The following SYNJ1 variants were observed in gnomAD, a reference collection of about 807,000 sequenced individuals.
The protein encoded by SYNJ1 is synaptojanin 1.
A neutral mutation model predicts 168.2 loss-of-function variants in SYNJ1; 78 were observed. The observed-to-expected ratio is 0.46, with a 90% CI of 0.39 to 0.56. SYNJ1 has a LOEUF of 0.56. Ranked by LOEUF, SYNJ1 falls within the 20% of genes least tolerant of loss-of-function variation. The probability of loss-of-function intolerance (pLI) is 0.00; values close to 1 mark genes in which losing one functional copy is unlikely to be tolerated. For missense variants in SYNJ1, 1,303 were observed against 1,597.6 expected, an observed-to-expected ratio of 0.82 and a Z score of 3.14; for synonymous variants, 539 against 548.6, an observed-to-expected ratio of 0.98 and a Z score of 0.24.
At chr21:32,701,720 T>TC (rs2042409755) in intron 3 of SYNJ1, among the ~76,000 whole-genome samples, 1 of 152,194 alleles carries the variant, frequency 6.6e-6, no homozygotes, top group South Asian at 2.1e-4. Flanking sequence ...ACTTATCTCT[T>TC]CAAGTGGTCA....
intron 11 of SYNJ1, 65 bp from the exon 12 acceptor site, chr21:32,678,866 G>T: frequency 6.4e-7 from 1 of 1,556,556 alleles, no homozygotes. Context: ...TTACTCATTA[G>T]GTTTTTTGAA....
chr21:32,720,130 T>C (rs879833683), intron 2 of SYNJ1, among the ~76,000 whole-genome samples: 3 of 152,048 alleles, frequency 2.0e-5, no homozygotes, highest in Non-Finnish European at 4.4e-5. Flanking sequence ...TCCCAGCTAC[T>C]TGGGAGGCTG....
intron 14 of SYNJ1, among the ~76,000 whole-genome samples, chr21:32,672,124 A>G (rs2041227984): frequency 1.3e-5 from 2 of 151,104 alleles, no homozygotes; most frequent in Non-Finnish European, 3.0e-5. Context: ...AAGGTATTTT[A>G]ATAAAAAGTT....
At position 32,655,156 on chromosome 21, in the gene SYNJ1, A is replaced by G. The variant is rs532768554; in HGVS notation, c.2795+1531T>C. 4.6e-5 allele frequency among the ~76,000 whole-genome samples: 7 copies of G among 152,330 alleles called. No individual in the cohort carries two copies. In the South Asian group the frequency reaches 1.5e-3, roughly 32 times the overall value. On this transcript the variant is annotated intron_variant, in intron 21 of 32. Coordinates refer to ENST00000674351, the MANE Select transcript of SYNJ1 (RefSeq NM_203446.3). The stretch of plus-strand genomic sequence containing the variant: ...TCTTTAGAGGTTGGGTTATAAAGAC[A>G]GGTCCCTTTCCTGTATCAGAGTCTT...
At chr21:32,643,343 G>A in intron 27 of SYNJ1, 67 bp downstream of exon 27, 1 of 1,528,038 alleles carries the variant, frequency 6.5e-7, no homozygotes, top group Non-Finnish European at 9.0e-7. Flanking sequence ...GCGGGGTGGG[G>A]AGGTGGGGCG....
intron 31 of SYNJ1, among the ~76,000 whole-genome samples, chr21:32,636,092 C>G (rs2039554167): frequency 6.6e-6 from 1 of 152,106 alleles, no homozygotes; most frequent in Admixed American, 6.6e-5. Flanking sequence ...TGGCAGTGGA[C>G]AGGAGATCAG....
chr21:32,660,237 G>A (rs1485515266), intron 18 of SYNJ1, among the ~76,000 whole-genome samples: 3 of 152,216 alleles, frequency 2.0e-5, no homozygotes, highest in Non-Finnish European at 4.4e-5. Context: ...TGGCAGCAAT[G>A]GCCCTGTTAG....
chr21:32,700,520 T>G (rs2042362143), intron 3 of SYNJ1, among the ~76,000 whole-genome samples: 1 of 152,076 alleles, frequency 6.6e-6, no homozygotes, highest in Admixed American at 6.5e-5. Flanking sequence ...CTGGGCGTGG[T>G]GGTGCATGCC....
intron 6 of SYNJ1, among the ~76,000 whole-genome samples, chr21:32,692,562 C>A (rs1209769549): frequency 6.6e-6 from 1 of 151,666 alleles, no homozygotes; most frequent in African/African-American, 2.4e-5. Context: ...GGCGACAGAG[C>A]ATCATTCCGT....
At position 32,673,421 on chromosome 21, in the gene SYNJ1, G is replaced by A. The variant is rs2041280422; in HGVS notation, c.1645C>T (p.Arg549Cys). 3 of 1,613,802 alleles carry A rather than the reference G, an allele frequency of 1.9e-6. No homozygotes were observed. Among genetic ancestry groups the A allele is most frequent in the Non-Finnish European group, 1.7e-6 (2 of 1,179,940 alleles). ...GTCTGATTCTTAAAAGCTATGCTGC[G>A]AAATTGCTTCCCACCATTCACATTC... ...TWNVNGGKQF[R>C]SIAFKNQTLT... The change falls in exon 14 of 33, where the codon CGC (arginine) becomes TGC (cysteine). Residue 549 changes from arginine (R) to cysteine (C), a missense_variant. Transcript: ENST00000674351.
intron 32 of SYNJ1, 134 bp downstream of exon 32, chr21:32,634,727 T>C (rs2039485643): frequency 5.8e-6 from 5 of 857,556 alleles, no homozygotes; most frequent in East Asian, 5.6e-5. Flanking sequence ...GGTTTTATGG[T>C]ATGATAGAAT....
In SYNJ1 at chr21:32,645,682, G is replaced by A. The variant is rs1157846436; in HGVS notation, c.3355C>T (p.Arg1119Cys). The A allele has an allele frequency of 1.3e-6, 2 of 1,511,136 alleles. No individual in the cohort carries two copies. The highest frequency in any genetic ancestry group is 1.8e-6 in the Non-Finnish European group (2 of 1,134,886). The allele number at this position is 1,511,136 out of a possible 1,614,324, so 93.6% of individuals were successfully genotyped here. ...PPPRPVAPPT[R>C]PAPPQRPPPP... ...GGAGGTCTCTGTGGGGGAGCCGGGC[G>A]TGTGGGAGGGGCGACCGGGCGGGGC... The change falls in exon 25 of 33, where the codon CGC becomes TGC. Residue 1119 changes from arginine to cysteine, a missense_variant. Physicochemically the swap from Arg to Cys is radical, Grantham distance 180. Transcript: ENST00000674351.
intron 6 of SYNJ1, among the ~76,000 whole-genome samples, chr21:32,692,330 C>G (rs1782965): frequency 0.55 from 83,739 of 151,982 alleles, 23,685 homozygotes; most frequent in African/African-American, 0.68. Context: ...TAATCCCAGT[C>G]CTTTGGGAGG....
intron 16 of SYNJ1, 108 bp from the exon 17 acceptor site, chr21:32,666,243 T>C: frequency 6.9e-7 from 1 of 1,439,520 alleles, no homozygotes; most frequent in South Asian, 1.4e-5. Context: ...TATGGTACTT[T>C]GAGGGCAAGC....
intron 17 of SYNJ1, 35 bp downstream of exon 17, chr21:32,665,908 A>C: frequency 6.5e-7 from 1 of 1,534,112 alleles, no homozygotes; most frequent in Middle Eastern, 2.0e-4. Context: ...TATATTTCAA[A>C]GCTTTATCTT....
chr21:32,727,904 G>A (rs2146446109), intron 1 of SYNJ1, 42 bp downstream of exon 1: 3 of 1,530,646 alleles, frequency 2.0e-6, no homozygotes, highest in Non-Finnish European at 2.6e-6. Context: ...CTGCCCGTGG[G>A]TCTGGCCGCA....
At chr21:32,709,153 A>C (rs1340430583) in intron 2 of SYNJ1, among the ~76,000 whole-genome samples, 1 of 152,218 alleles carries the variant, frequency 6.6e-6, no homozygotes, top group African/African-American at 2.4e-5. Context: ...CCATGGATCC[A>C]ACACGCTTTT....
At chr21:32,676,953 A>G (rs1207832785) in intron 12 of SYNJ1, among the ~76,000 whole-genome samples, 2 of 152,232 alleles carry the variant, frequency 1.3e-5, no homozygotes, top group Admixed American at 6.5e-5. Flanking sequence ...TAAAAATAGT[A>G]GCAAGACATT....
chr21:32,631,247 A>G lies in SYNJ1; in HGVS notation c.*558T>C. 2 of 1,614,214 alleles carry G rather than the reference A, an allele frequency of 1.2e-6. No homozygotes were observed. Among genetic ancestry groups the G allele is most frequent in the East Asian group, 4.5e-5 (2 of 44,886 alleles). ...CTGACTTTGACTTCCCTTTCACACC[A>G]AAATCCTCTTCTTCCTCGAAGGTTA... On this transcript the variant is annotated 3_prime_UTR_variant, in exon 33 of 33. Coordinates refer to ENST00000674351, the MANE Select transcript of SYNJ1 (RefSeq NM_203446.3).
Sources: allele counts gnomAD v4.1 joint callset (sites outside exome capture counted in the v4.1 genomes callset), GRCh38; gene constraint gnomAD v4.1.1; transcripts MANE v1.5; gene names NCBI Gene and HGNC (gene_info 2026-07-23, HGNC 2026-07-21).